SLC26A5: variants seen among roughly 807,000 people sequenced by gnomAD.
SLC26A5 encodes solute carrier family 26 member 5.
Under a neutral mutation model 81.0 loss-of-function variants are expected in SLC26A5, and 51 were observed. The observed-to-expected ratio is 0.63, with a 90% CI of 0.50 to 0.80. The LOEUF is 0.80. Among genes scored for constraint, SLC26A5 ranks in the 30% least tolerant of loss-of-function variants. The pLI, the probability that SLC26A5 is intolerant of heterozygous loss-of-function variation, is 0.00. For synonymous variants in SLC26A5, 325 were observed against 332.8 expected, an observed-to-expected ratio of 0.98 and a Z score of 0.25; for missense variants, 771 against 905.8, an observed-to-expected ratio of 0.85 and a Z score of 1.91.
At chr7:103,408,999 G>T (rs1824275429) in intron 7 of SLC26A5, among the ~76,000 whole-genome samples, 1 of 152,152 alleles carries the variant, frequency 6.6e-6, no homozygotes, top group Non-Finnish European at 1.5e-5. Flanking sequence ...GGGAAACTAA[G>T]AATTTTGTTA....
chr7:103,378,877 G>A (rs750113945), intron 16 of SLC26A5, among the ~76,000 whole-genome samples: 8 of 152,154 alleles, frequency 5.3e-5, no homozygotes, highest in Non-Finnish European at 7.3e-5. Context: ...TATATACAGC[G>A]TGGTGTAGGG....
intron 12 of SLC26A5, among the ~76,000 whole-genome samples, 156 bp downstream of exon 12, chr7:103,390,273 T>G (rs182001696): frequency 6.6e-6 from 1 of 152,192 alleles, no homozygotes; most frequent in Non-Finnish European, 1.5e-5. Flanking sequence ...CAGTAGGTTA[T>G]AGAGCAGGAT....
At chr7:103,355,553 C>T in intron 19 of SLC26A5, 1 of 584,394 alleles carries the variant, frequency 1.7e-6, no homozygotes, top group Non-Finnish European at 3.0e-6. Context: ...GCCAGGGATG[C>T]TACTAAACAG....
At chr7:103,359,928 A>T (rs1042189320) in intron 19 of SLC26A5, among the ~76,000 whole-genome samples, 2 of 151,976 alleles carry the variant, frequency 1.3e-5, no homozygotes, top group East Asian at 3.9e-4. Context: ...AAAATATAAA[A>T]ATATTAGCTG....
chr7:103,420,927 C>T, intron 3 of SLC26A5, 50 bp from the exon 4 acceptor site: 1 of 1,558,572 alleles, frequency 6.4e-7, no homozygotes, highest in Non-Finnish European at 8.8e-7. Context: ...AGAAACATCT[C>T]TGTAGAATTC....
intron 19 of SLC26A5, chr7:103,368,153 G>T (rs1163990459): frequency 1.8e-6 from 2 of 1,081,746 alleles, no homozygotes; most frequent in Non-Finnish European, 2.6e-6. Flanking sequence ...CTTCAAAATT[G>T]TATGCTTTTT....
chr7:103,418,604 A>G (rs757543117), intron 4 of SLC26A5, among the ~76,000 whole-genome samples: 3 of 152,218 alleles, frequency 2.0e-5, no homozygotes, highest in Admixed American at 6.5e-5. Context: ...AAGATTTTGT[A>G]TAATAGATTT....
At position 103,355,589 on chromosome 7, in the gene SLC26A5, C is replaced by T. The variant is rs570032609; in HGVS notation, c.2042-2663G>A. The T allele has an allele frequency of 4.0e-5, 33 of 832,684 alleles. No individual in the cohort carries two copies. The South Asian group carries it at 4.4e-4, about 11-fold the overall frequency. 51.6% of individuals were successfully genotyped at this position (832,684 alleles called of 1,614,324 possible). ...TCTATAATGCACATGATAGTCCTCA[C>T]AATGAATGATTCAGTGCAAAATATC... On this transcript the variant is annotated intron_variant, in intron 19 of 19. Coordinates refer to the SLC26A5 transcript ENST00000339444.
intron 4 of SLC26A5, among the ~76,000 whole-genome samples, chr7:103,417,628 C>T (rs1339370379): frequency 6.6e-6 from 1 of 152,114 alleles, no homozygotes; most frequent in Non-Finnish European, 1.5e-5. Flanking sequence ...TCTCTAGCCC[C>T]TACCTCTCTT....
At chr7:103,360,550 C>A (rs1820322040) in intron 19 of SLC26A5, among the ~76,000 whole-genome samples, 1 of 152,216 alleles carries the variant, frequency 6.6e-6, no homozygotes, top group Non-Finnish European at 1.5e-5. Flanking sequence ...CATCCCACCA[C>A]ACCTGGCTAA....
intron 19 of SLC26A5, among the ~76,000 whole-genome samples, chr7:103,360,318 G>C (rs1338284080): frequency 1.3e-5 from 2 of 152,064 alleles, no homozygotes; most frequent in Non-Finnish European, 2.9e-5. Context: ...TATTATTGCT[G>C]TTTGTTGTTC....
chr7:103,408,068 C>G (rs1824199263), intron 7 of SLC26A5, 65 bp from the exon 8 acceptor site: 3 of 1,596,238 alleles, frequency 1.9e-6, no homozygotes, highest in African/African-American at 2.7e-5. Context: ...CAGAGACACT[C>G]TAGCGCACTA....
intron 3 of SLC26A5, 37 bp from the exon 4 acceptor site, chr7:103,420,914 A>C (rs1825296385): frequency 6.4e-7 from 1 of 1,573,030 alleles, no homozygotes; most frequent in South Asian, 1.1e-5. Context: ...AAAGTTATAA[A>C]TGAGAAACAT....
chr7:103,437,245 C>G (rs2116845682), intron 2 of SLC26A5, among the ~76,000 whole-genome samples: 1 of 152,310 alleles, frequency 6.6e-6, no homozygotes, highest in East Asian at 1.9e-4. Flanking sequence ...ATAATGTCAC[C>G]TGTTAGAATG....
chr7:103,411,840 G>A (rs891027615), intron 5 of SLC26A5, among the ~76,000 whole-genome samples: 3 of 152,226 alleles, frequency 2.0e-5, no homozygotes, highest in Non-Finnish European at 4.4e-5. Context: ...TCCCCATCAA[G>A]AGGTGGAGTC....
chr7:103,426,633 T>C (rs1337731801), intron 2 of SLC26A5, among the ~76,000 whole-genome samples: 1 of 152,104 alleles, frequency 6.6e-6, no homozygotes, highest in East Asian at 1.9e-4. Context: ...TGGTTGGTAG[T>C]TCAAGGACAT....
intron 2 of SLC26A5, among the ~76,000 whole-genome samples, chr7:103,440,330 A>G (rs1286673762): frequency 1.3e-5 from 2 of 152,246 alleles, no homozygotes; most frequent in Non-Finnish European, 2.9e-5. Flanking sequence ...ATTATTTTGC[A>G]AAATTGTAAT....
chr7:103,405,978 T>G lies in SLC26A5; in HGVS notation c.888+1873A>C, dbSNP rs548842395. Among the ~76,000 whole-genome samples, 9 of 152,308 alleles carry G rather than the reference T, an allele frequency of 5.9e-5. No individual in the cohort carries two copies. In the South Asian group the frequency reaches 1.9e-3, roughly 32 times the overall value. ...CTTCCAGGTGGCTTTGTTTACACTG[T>G]GAGGGGAAAACCGCCTACTGAAGCC... On this transcript the variant is annotated intron_variant, in intron 8 of 19. Transcript: ENST00000306312.
intron 19 of SLC26A5, among the ~76,000 whole-genome samples, chr7:103,365,310 G>T (rs1483656996): frequency 6.6e-6 from 1 of 152,040 alleles, no homozygotes; most frequent in East Asian, 1.9e-4. Flanking sequence ...TTGGTGGACT[G>T]GGGAGCAAAC....
Sources: allele counts gnomAD v4.1 joint callset (sites outside exome capture counted in the v4.1 genomes callset), GRCh38; gene constraint gnomAD v4.1.1; transcripts MANE v1.5; gene names NCBI Gene and HGNC (gene_info 2026-07-23, HGNC 2026-07-21).